The following LIPI variants were observed in gnomAD, a reference collection of about 807,000 sequenced individuals.
LIPI encodes the protein lipase I, also known as lipase member I.
LIPI carries 59 observed loss-of-function variants against 50.6 expected under a neutral mutation model. That is an observed-to-expected ratio of 1.16 (90% CI 0.94 to 1.45). The LOEUF (loss-of-function observed/expected upper bound fraction) is 1.45, where lower values mean the gene tolerates loss of function less well. Among genes scored for constraint, LIPI ranks in the 40% most tolerant of loss-of-function variants. The probability of loss-of-function intolerance (pLI) is 0.00; values close to 1 mark genes in which losing one functional copy is unlikely to be tolerated. For missense variants in LIPI, 586 were observed against 536.3 expected (o/e 1.09, Z -0.92); for synonymous variants, 203 against 178.2 (o/e 1.14, Z -1.11).
intron 7 of LIPI, among the ~76,000 whole-genome samples, chr21:14,160,362 C>T (rs1013893281): frequency 1.3e-5 from 2 of 150,778 alleles, no homozygotes; most frequent in South Asian, 2.1e-4. Flanking sequence ...ATAAACATAT[C>T]GATATATATT....
chr21:14,189,862 C>G (rs899338516), intron 1 of LIPI, among the ~76,000 whole-genome samples: 4 of 151,740 alleles, frequency 2.6e-5, no homozygotes, highest in African/African-American at 9.7e-5. Flanking sequence ...ATATTTTCCC[C>G]ATAAAATTTA....
intron 2 of LIPI, 144 bp from the exon 3 acceptor site, chr21:14,186,213 T>C: frequency 1.6e-6 from 1 of 624,726 alleles, no homozygotes. Flanking sequence ...CTTTATAATT[T>C]CAAGATGACT....
intron 9 of LIPI, among the ~76,000 whole-genome samples, chr21:14,129,359 T>C (rs1024166809): frequency 1.3e-5 from 2 of 152,134 alleles, no homozygotes; most frequent in African/African-American, 4.8e-5. Context: ...TTATATATAT[T>C]TGTAATATAT....
intron 4 of LIPI, among the ~76,000 whole-genome samples, chr21:14,175,584 T>G (rs887971208): frequency 1.3e-5 from 2 of 152,184 alleles, no homozygotes; most frequent in African/African-American, 4.8e-5. Flanking sequence ...TTAGAAATTT[T>G]TGTGTACTTT....
At chr21:14,206,090 A>G (rs2123354507) in intron 1 of LIPI, among the ~76,000 whole-genome samples, 1 of 152,268 alleles carries the variant, frequency 6.6e-6, no homozygotes, top group South Asian at 2.1e-4. Flanking sequence ...ATAAATAATC[A>G]TTGTAGGTTG....
chr21:14,152,820 A>T, intron 7 of LIPI, 136 bp from the exon 8 acceptor site: 1 of 546,346 alleles, frequency 1.8e-6, no homozygotes, highest in Non-Finnish European at 3.3e-6. Flanking sequence ...AAATAATATT[A>T]TTGAGAGGAC....
intron 4 of LIPI, among the ~76,000 whole-genome samples, chr21:14,178,652 C>T (rs1210918244): frequency 3.3e-5 from 5 of 152,136 alleles, no homozygotes; most frequent in African/African-American, 1.2e-4. Context: ...TTTGCACCAA[C>T]TTAATAATAA....
At chr21:14,151,225 G>C (rs550443472) in intron 8 of LIPI, among the ~76,000 whole-genome samples, 3 of 151,894 alleles carry the variant, frequency 2.0e-5, no homozygotes, top group African/African-American at 7.3e-5. Context: ...TTTTAATATC[G>C]TTTCAGATTT....
intron 2 of LIPI, among the ~76,000 whole-genome samples, chr21:14,186,331 G>A (rs2019455941): frequency 6.6e-6 from 1 of 152,060 alleles, no homozygotes; most frequent in African/African-American, 2.4e-5. Context: ...TATGCAAAAT[G>A]CAATTAATTA....
chr21:14,116,545 ATTAT>A (rs1304812605), intron 9 of LIPI, among the ~76,000 whole-genome samples: 2 of 152,338 alleles, frequency 1.3e-5, no homozygotes, highest in African/African-American at 4.8e-5. Context: ...TTTGATGGTG[ATTAT>A]GGAATGAAGT....
At chr21:14,210,520 T>G (rs974776125) in intron 1 of LIPI, among the ~76,000 whole-genome samples, 2 of 152,134 alleles carry the variant, frequency 1.3e-5, no homozygotes, top group African/African-American at 4.8e-5. Flanking sequence ...GTATTTCTAT[T>G]TATTCTCTAG....
intron 8 of LIPI, among the ~76,000 whole-genome samples, chr21:14,146,193 T>C (rs1358050780): frequency 1.3e-5 from 2 of 152,026 alleles, no homozygotes; most frequent in African/African-American, 4.8e-5. Flanking sequence ...GTATCCACTG[T>C]CATTTATCGT....
chr21:14,203,277 G>T (rs549726689), intron 1 of LIPI, among the ~76,000 whole-genome samples: 3 of 152,038 alleles, frequency 2.0e-5, no homozygotes, highest in Non-Finnish European at 2.9e-5. Context: ...TCAGTGTGGC[G>T]ATTCCTCAGG....
intron 4 of LIPI, among the ~76,000 whole-genome samples, chr21:14,168,918 A>C (rs1361828977): frequency 6.6e-6 from 1 of 151,482 alleles, no homozygotes; most frequent in South Asian, 2.1e-4. Context: ...ACAGACTGGC[A>C]AATTGGATAA....
At chr21:14,110,005 T>A (rs550213234) in intron 9 of LIPI, among the ~76,000 whole-genome samples, 83 of 152,110 alleles carry the variant, frequency 5.5e-4, no homozygotes, top group African/African-American at 1.8e-3. Flanking sequence ...GAATATTATG[T>A]ATCTATCTTT....
intron 8 of LIPI, among the ~76,000 whole-genome samples, chr21:14,149,588 GC>G (rs2018017713): frequency 6.6e-6 from 1 of 152,120 alleles, no homozygotes; most frequent in African/African-American, 2.4e-5. Flanking sequence ...CCACCTATGA[GC>G]CTGTAAAATC....
chr21:14,116,376 G>C (rs1314901201), intron 9 of LIPI, among the ~76,000 whole-genome samples: 1 of 152,122 alleles, frequency 6.6e-6, no homozygotes, highest in Non-Finnish European at 1.5e-5. Flanking sequence ...AGTTGGGTGT[G>C]ACCTGGCCAA....
chr21:14,130,683 G>A (rs1396503133), intron 9 of LIPI, among the ~76,000 whole-genome samples: 1 of 152,198 alleles, frequency 6.6e-6, no homozygotes, highest in Non-Finnish European at 1.5e-5. Flanking sequence ...AGGAGATGCA[G>A]CTGCAGCTGC....
intron 2 of LIPI, among the ~76,000 whole-genome samples, chr21:14,188,460 C>T (rs111545715): frequency 0.018 from 2,570 of 146,254 alleles, 75 homozygotes; most frequent in African/African-American, 0.06. Context: ...CCCAGCTACT[C>T]GGGTGGCTGA....
Sources: gnomAD v4.1 joint callset for allele counts (sites outside exome capture counted in the v4.1 genomes callset) on GRCh38, gnomAD v4.1.1 for gene constraint, MANE v1.5 for transcripts, NCBI Gene and HGNC (gene_info 2026-07-23, HGNC 2026-07-21) for gene names.